Variants in ZNF165 observed in about 807,000 individuals in gnomAD.
ZNF165 encodes the protein zinc finger protein 165.
ZNF165 carries 14 observed loss-of-function variants against 19.6 expected under a neutral mutation model. The observed-to-expected ratio is 0.71, with a 90% CI of 0.47 to 1.12. The LOEUF (loss-of-function observed/expected upper bound fraction) is 1.12. Ranked by LOEUF, ZNF165 falls within the 50% of genes most tolerant of loss-of-function variation. ZNF165 has a pLI of 0.00. For synonymous variants in ZNF165, 165 were observed against 195.0 expected (o/e 0.85, Z 1.28); for missense variants, 504 against 566.3 (o/e 0.89, Z 1.12).
intron 3 of ZNF165, among the ~76,000 whole-genome samples, 166 bp from the exon 4 acceptor site, chr6:28,088,397 C>T (rs1043221151): frequency 6.6e-6 from 1 of 152,180 alleles, no homozygotes; most frequent in East Asian, 1.9e-4. Flanking sequence ...CTTGCTCTTA[C>T]CAATGTTTCT....
chr6:28,083,736 A>G (rs1764207182), intron 1 of ZNF165, among the ~76,000 whole-genome samples: 1 of 152,162 alleles, frequency 6.6e-6, no homozygotes, highest in East Asian at 1.9e-4. Context: ...GAGAAAATTC[A>G]TGTTCGAGTG....
chr6:28,086,058 G>C, intron 2 of ZNF165, 114 bp from the exon 3 acceptor site: 1 of 1,513,886 alleles, frequency 6.6e-7, no homozygotes, highest in Non-Finnish European at 8.9e-7. Flanking sequence ...AATTAAATCA[G>C]ACTCGATTCT....
In ZNF165 at chr6:28,086,311, G is replaced by A. The variant is rs1349709754; in HGVS notation, c.550+1G>A. Reference sequence around the variant, plus strand: ...GAACCCCAGCTCCTATGGGACTGTGGTGAGGGGCAGAATGCCATATAGTGC... The same window carrying A: ...GAACCCCAGCTCCTATGGGACTGTGATGAGGGGCAGAATGCCATATAGTGC... On this transcript the variant is annotated splice_donor_variant, in intron 3 of 3. Transcript: ENST00000683778. LOFTEE classifies it high-confidence loss of function. 6.2e-7 allele frequency: 1 copy of A among 1,612,074 alleles called. No homozygotes were observed. Among genetic ancestry groups the A allele is most frequent in the Non-Finnish European group, 8.5e-7 (1 of 1,179,386 alleles).
intron 2 of ZNF165, 61 bp from the exon 3 acceptor site, chr6:28,086,111 G>C: frequency 6.4e-7 from 1 of 1,561,270 alleles, no homozygotes; most frequent in East Asian, 2.2e-5. Context: ...TCTCTTTGTT[G>C]TTAGAAGACG....
In ZNF165 at chr6:28,089,338, TC is replaced by T; in HGVS notation, c.1327del (p.Ile444PhefsTer36). 1 of 1,614,152 alleles carries T rather than the reference TC, an allele frequency of 6.2e-7. No individual in the cohort carries two copies. Among genetic ancestry groups the T allele is most frequent in the Non-Finnish European group, 8.5e-7 (1 of 1,180,014 alleles). On this transcript the variant is annotated frameshift_variant, in exon 4 of 4. Coordinates refer to ENST00000683778, the MANE Select transcript of ZNF165 (RefSeq NM_001376491.1). LOFTEE classifies it low-confidence loss of function (END_TRUNC). ...CGKTFRVSSH[L>X]IRHFRIHTGE... The stretch of plus-strand genomic sequence containing the variant: ...GGAAAACCTTCCGAGTGAGCTCACA[TC>T]TTATTCGACACTTTAGAATTCACAC...
chr6:28,086,039 A>G, intron 2 of ZNF165, 133 bp from the exon 3 acceptor site: 1 of 1,494,018 alleles, frequency 6.7e-7, no homozygotes, highest in South Asian at 1.3e-5. Flanking sequence ...ATTCCACACT[A>G]CATTTTACAA....
chr6:28,088,820 A>C lies in ZNF165; in HGVS notation c.808A>C (p.Ile270Leu). Residue 270 changes from isoleucine (I) to leucine (L), a missense_variant, in exon 4 of 4, where the codon ATA becomes CTA. By Grantham distance (5) the Ile-to-Leu change is conservative (BLOSUM62 2). Coordinates refer to ENST00000683778, the MANE Select transcript of ZNF165 (RefSeq NM_001376491.1). ...THKNTVRGEI[I>L]SHDGCERRLN... Reference sequence around the variant, plus strand: ...CAAAAATACAGTCAGAGGTGAAATAATAAGCCACGATGGATGTGAGAGGAG... The same window carrying C: ...CAAAAATACAGTCAGAGGTGAAATACTAAGCCACGATGGATGTGAGAGGAG... The C allele has an allele frequency of 6.2e-7, 1 of 1,614,256 alleles. No individual in the cohort carries two copies. Among genetic ancestry groups the C allele is most frequent in the East Asian group, 2.2e-5 (1 of 44,884 alleles).
rs747134688 is a variant in ZNF165 at position 28,086,152 on chromosome 6, A to G, written c.412-20A>G. The G allele has an allele frequency of 2.5e-6, 4 of 1,606,020 alleles. No homozygotes were observed. The highest frequency in any genetic ancestry group is 1.3e-5 in the African/African-American group (1 of 74,420). Reference sequence around the variant, plus strand: ...CACAGGGATTCTTTTATAAGCCCAAATGTACTTTATTTTTCTCAGGTTCAA... The same window carrying G: ...CACAGGGATTCTTTTATAAGCCCAAGTGTACTTTATTTTTCTCAGGTTCAA... On this transcript the variant is annotated intron_variant, in intron 2 of 3. Transcript: ENST00000683778.
chr6:28,088,536 A>T (rs1245317056), intron 3 of ZNF165, 27 bp from the exon 4 acceptor site: 5 of 1,553,552 alleles, frequency 3.2e-6, no homozygotes, highest in Non-Finnish European at 4.3e-6. Context: ...GCAAACAGGT[A>T]ATATTTCCCT....
intron 3 of ZNF165, among the ~76,000 whole-genome samples, chr6:28,086,987 G>A (rs915698556): frequency 6.6e-6 from 1 of 152,172 alleles, no homozygotes; most frequent in African/African-American, 2.4e-5. Context: ...ATGATATACT[G>A]AGAAATAGTA....
At chr6:28,086,013 C>G in intron 2 of ZNF165, 122 bp downstream of exon 2, 1 of 1,493,872 alleles carries the variant, frequency 6.7e-7, no homozygotes, top group Non-Finnish European at 9.0e-7. Flanking sequence ...TTTATGTCTC[C>G]TTTCCTGTCT....
rs370910475 is a variant in ZNF165 at position 28,085,741 on chromosome 6, G to T, written c.261G>T (p.Gln87His). The stretch of plus-strand genomic sequence containing the variant: ...AGCCAGAGATCCATACCAAGGAACA[G>T]ATTCTGGAACTGCTGGTGCTAGAGC... The part of the protein sequence containing the change: ...WLKPEIHTKE[Q>H]ILELLVLEQF... The change falls in exon 2 of 4, where the codon CAG (glutamine) becomes CAT (histidine). Residue 87 changes from glutamine (Q) to histidine (H), a missense_variant. Physicochemically the swap from Gln to His is conservative, Grantham distance 24 (BLOSUM62 0). Transcript: ENST00000683778. The T allele has an allele frequency of 6.2e-7, 1 of 1,613,836 alleles. No individual in the cohort carries two copies. The highest frequency in any genetic ancestry group is 8.5e-7 in the Non-Finnish European group (1 of 1,180,048).
rs1314211782 is a variant in ZNF165, at chr6:28,089,073, G to T, written c.1061G>T (p.Arg354Met). ...TGTAATGAATGTGGGAAAGCTTTCA[G>T]GCACAGCTCAAAACTTGCTAGGCAT... ...HQCNECGKAF[R>M]HSSKLARHQR... The change falls in exon 4 of 4, where the codon AGG (arginine) becomes ATG (methionine). Residue 354 changes from arginine (R) to methionine (M), a missense_variant. Physicochemically the swap from Arg to Met is moderately conservative, Grantham distance 91. Transcript: ENST00000683778. 6.2e-7 allele frequency: 1 copy of T among 1,614,038 alleles called. No individual in the cohort carries two copies. Among genetic ancestry groups the T allele is most frequent in the African/African-American group, 1.3e-5 (1 of 74,944 alleles).
chr6:28,088,197 ATTTTCCCTCT>A (rs1764324358), intron 3 of ZNF165, among the ~76,000 whole-genome samples: 1 of 152,096 alleles, frequency 6.6e-6, no homozygotes, highest in African/African-American at 2.4e-5. Flanking sequence ...TAGTGCCTCC[ATTTTCCCTCT>A]AGAAATGTAT....
At chr6:28,084,018 G>A (rs1022683467) in intron 1 of ZNF165, among the ~76,000 whole-genome samples, 7 of 151,738 alleles carry the variant, frequency 4.6e-5, no homozygotes, top group East Asian at 1.9e-4. Context: ...TTTCTCTCCC[G>A]CATCCTTGTC....
rs750261387 is a variant in ZNF165, at chr6:28,089,313, G to C, written c.1301G>C (p.Gly434Ala). The C allele has an allele frequency of 3.1e-6, 5 of 1,614,008 alleles. No individual in the cohort carries two copies. In the South Asian group the frequency reaches 4.4e-5, roughly 14 times the overall value. ...AAACCCTACGAGTGTAGTGAATGTG[G>C]GAAAACCTTCCGAGTGAGCTCACAT... Reference protein sequence around the residue: ...REKPYECSECGKTFRVSSHLI... With the variant: ...REKPYECSECAKTFRVSSHLI... Residue 434 changes from glycine to alanine, a missense_variant, in exon 4 of 4, where the codon GGG becomes GCG. Coordinates refer to ENST00000683778, the MANE Select transcript of ZNF165 (RefSeq NM_001376491.1).
chr6:28,086,427 G>T (rs1764277424), intron 3 of ZNF165, 117 bp downstream of exon 3: 1 of 1,421,560 alleles, frequency 7.0e-7, no homozygotes, highest in Admixed American at 2.6e-5. Context: ...CCAATGAAAA[G>T]AGAGAACTTG....
chr6:28,081,750 C>T (rs1416595649), intron 1 of ZNF165, among the ~76,000 whole-genome samples: 1 of 152,118 alleles, frequency 6.6e-6, no homozygotes, highest in Admixed American at 6.6e-5. Context: ...CTCTGTTCTC[C>T]TAGCGTTTCT....
Position 28,085,725 on chromosome 6 carries a change from T to A in ZNF165, c.245T>A (p.Ile82Asn). The A allele has an allele frequency of 6.2e-7, 1 of 1,613,838 alleles. No individual in the cohort carries two copies. Among genetic ancestry groups the A allele is most frequent in the Non-Finnish European group, 8.5e-7 (1 of 1,180,020 alleles). The change falls in exon 2 of 4, where the codon ATC becomes AAC. Residue 82 changes from isoleucine (I) to asparagine (N), a missense_variant. Physicochemically the swap from Ile to Asn is moderately radical, Grantham distance 149 (BLOSUM62 -3). Coordinates refer to ENST00000683778, the MANE Select transcript of ZNF165 (RefSeq NM_001376491.1). The part of the protein sequence containing the change: ...ELCCQWLKPE[I>N]HTKEQILELL... Reference sequence around the variant, plus strand: ...TGCTGTCAGTGGCTGAAGCCAGAGATCCATACCAAGGAACAGATTCTGGAA... The same window carrying A: ...TGCTGTCAGTGGCTGAAGCCAGAGAACCATACCAAGGAACAGATTCTGGAA...
Sources: gnomAD v4.1 joint callset for allele counts (sites outside exome capture counted in the v4.1 genomes callset) on GRCh38, gnomAD v4.1.1 for gene constraint, MANE v1.5 for transcripts, NCBI Gene and HGNC (gene_info 2026-07-23, HGNC 2026-07-21) for gene names.